The following SYCP2 variants were observed in gnomAD, a reference collection of about 807,000 sequenced individuals.
The protein encoded by SYCP2 is synaptonemal complex lateral element protein.
In SYCP2, 55 loss-of-function variants were observed where a neutral mutation model predicts 211.3. The ratio of observed to expected loss-of-function variants is 0.26; its 90% CI spans 0.21 to 0.33. The LOEUF is 0.33. Among genes scored for constraint, SYCP2 ranks in the 10% least tolerant of loss-of-function variants. The probability of loss-of-function intolerance (pLI) is 1.00; values close to 1 mark genes in which losing one functional copy is unlikely to be tolerated. For missense variants in SYCP2, 1,731 were observed against 1,752.0 expected, an observed-to-expected ratio of 0.99 and a Z score of 0.21; for synonymous variants, 570 against 555.2, an observed-to-expected ratio of 1.03 and a Z score of -0.37.
chr20:59,893,481 A>G, intron 21 of SYCP2, 43 bp downstream of exon 21: 1 of 1,313,438 alleles, frequency 7.6e-7, no homozygotes, highest in Admixed American at 1.8e-5. Flanking sequence ...AAGTATATAC[A>G]TTTTCTTAAA....
intron 2 of SYCP2, among the ~76,000 whole-genome samples, chr20:59,928,966 T>C (rs989268745): frequency 6.6e-6 from 1 of 152,040 alleles, no homozygotes; most frequent in African/African-American, 2.4e-5. Flanking sequence ...GCATCACTGT[T>C]TGTAAAAGAG....
intron 35 of SYCP2, among the ~76,000 whole-genome samples, chr20:59,872,579 A>C (rs114268322): frequency 0.014 from 2,112 of 152,148 alleles, 58 homozygotes; most frequent in African/African-American, 0.048. Context: ...TGTATAGGAA[A>C]AAAAGATAGT....
intron 16 of SYCP2, 71 bp downstream of exon 16, chr20:59,901,591 T>C (rs1301862958): frequency 1.0e-6 from 1 of 976,440 alleles, no homozygotes; most frequent in Non-Finnish European, 1.5e-6. Flanking sequence ...AAAAACGCAA[T>C]AAAACTTATA....
intron 26 of SYCP2, among the ~76,000 whole-genome samples, chr20:59,884,854 G>A (rs922485932): frequency 1.3e-5 from 2 of 151,872 alleles, no homozygotes; most frequent in African/African-American, 4.8e-5. Context: ...TGAAAAAACA[G>A]AAGAAAAAAC....
At chr20:59,911,126 G>A (rs1452561970) in intron 14 of SYCP2, among the ~76,000 whole-genome samples, 1 of 152,100 alleles carries the variant, frequency 6.6e-6, no homozygotes, top group African/African-American at 2.4e-5. Flanking sequence ...CTCAGATTTT[G>A]GCAAACGGAC....
chr20:59,879,070 ATCT>A (rs1479698300), intron 31 of SYCP2, among the ~76,000 whole-genome samples: 31 of 152,140 alleles, frequency 2.0e-4, no homozygotes, highest in Middle Eastern at 3.4e-3. Flanking sequence ...GAGATCTCTA[ATCT>A]TCTACTTTAT....
At chr20:59,932,937 G>A (rs1268843789) in intron 1 of SYCP2, among the ~76,000 whole-genome samples, 5 of 152,074 alleles carry the variant, frequency 3.3e-5, no homozygotes, top group Non-Finnish European at 7.4e-5. Context: ...TCCCTAAGTG[G>A]AACCGGCAGT....
intron 38 of SYCP2, among the ~76,000 whole-genome samples, chr20:59,868,211 A>G (rs2059387586): frequency 6.6e-6 from 1 of 151,794 alleles, no homozygotes; most frequent in South Asian, 2.1e-4. Flanking sequence ...TAAGTGACAG[A>G]ATGATGAGGG....
chr20:59,867,105 C>CGGGGGGGGGGGGGGGGGGG (rs373444865), intron 39 of SYCP2, among the ~76,000 whole-genome samples: 1 of 3,468 alleles, frequency 2.9e-4, no homozygotes, highest in African/African-American at 5.9e-4. Flanking sequence ...AGACTGGGGG[C>CGGGGGGGGGGGGGGGGGGG]GGGGGGGGGG....
intron 2 of SYCP2, among the ~76,000 whole-genome samples, chr20:59,928,791 C>T (rs768327516): frequency 6.6e-6 from 1 of 151,480 alleles, no homozygotes; most frequent in Admixed American, 6.6e-5. Context: ...ATCTATTTTG[C>T]CATAAAAAAA....
At chr20:59,921,909 C>A (rs1047648383) in intron 3 of SYCP2, among the ~76,000 whole-genome samples, 12 of 151,482 alleles carry the variant, frequency 7.9e-5, no homozygotes, top group Non-Finnish European at 1.5e-4. Flanking sequence ...TTAAGCATTA[C>A]CATTATATAA....
intron 2 of SYCP2, among the ~76,000 whole-genome samples, chr20:59,923,515 GTT>G: frequency 6.6e-6 from 1 of 151,398 alleles, no homozygotes; most frequent in Admixed American, 6.6e-5. Flanking sequence ...AATATTGTAT[GTT>G]ACAAAACTCC....
Position 59,895,477 on chromosome 20 carries a change from C to A in SYCP2, c.1625G>T (p.Arg542Ile). Residue 542 changes from arginine to isoleucine, a missense_variant, in exon 20 of 45, where the codon AGA becomes ATA. This residue lies in a region of SYCP2 where 1,387 missense variants were observed against 1,351.3 expected (regional missense o/e 1.03). Coordinates refer to ENST00000357552, the MANE Select transcript of SYCP2 (RefSeq NM_014258.4). The stretch of plus-strand genomic sequence containing the variant: ...TCTTCTATGTCTTCCTTCTGATGAT[C>A]TAGATTTCAGTGATGCAGCATTATC... ...RVDNAASLKS[R>I]SSEGRHRRDN... 3 of 1,612,398 alleles carry A rather than the reference C, an allele frequency of 1.9e-6. No homozygotes were observed. The highest frequency in any genetic ancestry group is 2.5e-6 in the Non-Finnish European group (3 of 1,178,968).
chr20:59,896,131 A>C (rs2060003139), intron 19 of SYCP2, among the ~76,000 whole-genome samples: 1 of 152,058 alleles, frequency 6.6e-6, no homozygotes, highest in Non-Finnish European at 1.5e-5. Context: ...CACAGCTGGA[A>C]GTGGGGAGCT....
At chr20:59,919,732 T>C (rs572033376) in intron 5 of SYCP2, 135 bp from the exon 6 acceptor site, 29 of 507,270 alleles carry the variant, frequency 5.7e-5, no homozygotes, top group African/African-American at 5.2e-4. Context: ...TCAAAATAAA[T>C]TCATGTTTTT....
chr20:59,903,083 T>C (rs1017687415), intron 15 of SYCP2, among the ~76,000 whole-genome samples: 11 of 152,186 alleles, frequency 7.2e-5, no homozygotes, highest in African/African-American at 2.7e-4. Flanking sequence ...TTTTGCTGAA[T>C]GCTTTGTGCC....
intron 2 of SYCP2, among the ~76,000 whole-genome samples, chr20:59,930,219 T>G (rs760015835): frequency 6.6e-6 from 1 of 152,162 alleles, no homozygotes; most frequent in Non-Finnish European, 1.5e-5. Flanking sequence ...TGCAATTAAT[T>G]ACACTATTCT....
At chr20:59,921,659 A>G (rs2060543679) in intron 3 of SYCP2, among the ~76,000 whole-genome samples, 1 of 151,588 alleles carries the variant, frequency 6.6e-6, no homozygotes, top group African/African-American at 2.4e-5. Flanking sequence ...TATGATTAGA[A>G]AAAAATATTT....
intron 26 of SYCP2, chr20:59,885,037 C>T (rs906016307): frequency 4.0e-5 from 6 of 151,878 alleles, no homozygotes; most frequent in African/African-American, 1.4e-4. Flanking sequence ...GTGAGAGAGC[C>T]TACTGACTCA....
Sources: gnomAD v4.1 joint callset for allele counts (sites outside exome capture counted in the v4.1 genomes callset) on GRCh38, gnomAD v4.1.1 for gene constraint, gnomAD v4.1.1 regional missense constraint, MANE v1.5 for transcripts, NCBI Gene and HGNC (gene_info 2026-07-23, HGNC 2026-07-21) for gene names.